The following VGLL3 variants were observed in gnomAD, a reference collection of about 807,000 sequenced individuals.
The protein encoded by VGLL3 is transcription cofactor vestigial-like protein 3.
In VGLL3, 18 loss-of-function variants were observed where a neutral mutation model predicts 29.2. The ratio of observed to expected loss-of-function variants is 0.62; its 90% CI spans 0.43 to 0.91. The LOEUF (loss-of-function observed/expected upper bound fraction) is 0.91. Ranked by LOEUF, VGLL3 falls within the 40% of genes least tolerant of loss-of-function variation. The pLI is 0.00. For missense variants in VGLL3, 440 were observed against 413.2 expected, an observed-to-expected ratio of 1.06 and a Z score of -0.56; for synonymous variants, 180 against 151.8, an observed-to-expected ratio of 1.19 and a Z score of -1.36.
At chr3:86,950,243 A>T (rs1046732363) in intron 3 of VGLL3, among the ~76,000 whole-genome samples, 1 of 152,190 alleles carries the variant, frequency 6.6e-6, no homozygotes, top group Non-Finnish European at 1.5e-5. Flanking sequence ...TTTTCAGTAG[A>T]AAGGAAAAAA....
intron 3 of VGLL3, among the ~76,000 whole-genome samples, chr3:86,952,533 A>G (rs1704637275): frequency 6.6e-6 from 1 of 152,210 alleles, no homozygotes; most frequent in African/African-American, 2.4e-5. Context: ...ATAAATAGGA[A>G]CATAAAGCCT....
At position 86,968,820 on chromosome 3, in the gene VGLL3, A is replaced by G; in HGVS notation, c.707T>C (p.Met236Thr). ...YMRHHHPHAH[M>T]HHRHRHHHHH... ...ATGATGGTGGCGGTGGCGGTGGTGC[A>G]TGTGGGCATGAGGGTGGTGGTGCCG... Residue 236 changes from methionine to threonine, a missense_variant, in exon 3 of 4, where the codon ATG (methionine) becomes ACG (threonine). Transcript: ENST00000398399. The G allele has an allele frequency of 6.2e-7, 1 of 1,614,088 alleles. No homozygotes were observed. The highest frequency in any genetic ancestry group is 8.5e-7 in the Non-Finnish European group (1 of 1,180,006).
At chr3:86,976,258 A>C (rs536854008) in intron 2 of VGLL3, among the ~76,000 whole-genome samples, 4 of 152,312 alleles carry the variant, frequency 2.6e-5, no homozygotes, top group Non-Finnish European at 5.9e-5. Flanking sequence ...TTCTGTGTAG[A>C]ATTACTTTCC....
At chr3:86,989,016 C>G (rs573655365) in intron 1 of VGLL3, among the ~76,000 whole-genome samples, 14 of 152,156 alleles carry the variant, frequency 9.2e-5, no homozygotes, top group Non-Finnish European at 1.6e-4. Context: ...GGAGTCATTT[C>G]TTATTGAAAA....
chr3:86,970,356 C>CAGAGAGCCCCGACCCAGCTTAGAG (rs1355180261), intron 2 of VGLL3, among the ~76,000 whole-genome samples: 1 of 152,020 alleles, frequency 6.6e-6, no homozygotes, highest in Non-Finnish European at 1.5e-5. Flanking sequence ...ACAGGAAGCA[C>CAGAGAGCCCCGACCCAGCTTAGAG]AGAGAGCCCC....
At chr3:86,981,991 C>A (rs752733545) in intron 1 of VGLL3, among the ~76,000 whole-genome samples, 2 of 152,028 alleles carry the variant, frequency 1.3e-5, no homozygotes, top group Non-Finnish European at 2.9e-5. Flanking sequence ...ACATTAAGTG[C>A]GATCATGAGG....
chr3:86,968,368 A>G (rs909228727), intron 3 of VGLL3, among the ~76,000 whole-genome samples: 9 of 152,140 alleles, frequency 5.9e-5, no homozygotes, highest in African/African-American at 2.2e-4. Flanking sequence ...CTAACCTAAG[A>G]TATGAGAGAA....
intron 2 of VGLL3, among the ~76,000 whole-genome samples, chr3:86,975,253 T>G (rs919878286): frequency 2.0e-5 from 3 of 152,184 alleles, no homozygotes; most frequent in African/African-American, 4.8e-5. Flanking sequence ...ACCAACTCTC[T>G]CATTTTATGA....
intron 3 of VGLL3, among the ~76,000 whole-genome samples, chr3:86,948,908 A>G (rs2106960330): frequency 6.6e-6 from 1 of 152,320 alleles, no homozygotes; most frequent in East Asian, 1.9e-4. Flanking sequence ...AATAATTTGC[A>G]ACCTGACATA....
intron 2 of VGLL3, 56 bp from the exon 3 acceptor site, chr3:86,969,179 A>C: frequency 6.6e-7 from 1 of 1,508,282 alleles, no homozygotes; most frequent in South Asian, 1.3e-5. Context: ...TTTGGGATAG[A>C]CTTGCCTCTA....
intron 1 of VGLL3, among the ~76,000 whole-genome samples, chr3:86,986,149 T>A (rs1417520899): frequency 6.6e-6 from 1 of 151,962 alleles, no homozygotes; most frequent in Admixed American, 6.6e-5. Flanking sequence ...TCTAAACACC[T>A]CTTTTACCAT....
intron 1 of VGLL3, among the ~76,000 whole-genome samples, chr3:86,982,799 C>T (rs73844442): frequency 0.091 from 13,903 of 152,136 alleles, 1,727 homozygotes; most frequent in African/African-American, 0.28. Flanking sequence ...TGTTGTTTTT[C>T]TTAAATGCAC....
Position 86,941,438 on chromosome 3 carries a change from G to A in VGLL3, c.*5586C>T, listed in dbSNP as rs1704395166. On this transcript the variant is annotated 3_prime_UTR_variant, in exon 4 of 4. Transcript: ENST00000398399. Reference sequence around the variant, plus strand: ...AATTATTCTTATGCCAAATTTAGTAGTCTAGAAATTGTTTTTTTTTTTAAA... The same window carrying A: ...AATTATTCTTATGCCAAATTTAGTAATCTAGAAATTGTTTTTTTTTTTAAA... 1 of 151,544 alleles carries A rather than the reference G, an allele frequency of 6.6e-6. No individual in the cohort carries two copies. 9.4% of individuals were successfully genotyped at this position (151,544 alleles called of 1,614,324 possible). A position where few individuals can be genotyped will look rare whatever the true frequency, so the allele number is the denominator to read the frequency against.
chr3:86,945,103 A>C lies in VGLL3; in HGVS notation c.*1921T>G, dbSNP rs1342025374. On this transcript the variant is annotated 3_prime_UTR_variant, in exon 4 of 4. Transcript: ENST00000398399. The stretch of plus-strand genomic sequence containing the variant: ...CCAGGAAATATAAGTTCATATTATT[A>C]GTGAGTGGAAGGTATCTTAAATTTG... The C allele has an allele frequency of 6.6e-6, 1 of 152,226 alleles. No homozygotes were observed. The highest frequency in any genetic ancestry group is 2.4e-5 in the African/African-American group (1 of 41,462). 9.4% of individuals were successfully genotyped at this position (152,226 alleles called of 1,614,324 possible).
rs139761063 is a variant in VGLL3, at chr3:86,981,832, C to T, written c.127-3030G>A. ...TATAATGAACCAATTTAAATATTTA[C>T]GTTTACAACACACACAAGCACACAC... On this transcript the variant is annotated intron_variant, in intron 1 of 3. Transcript: ENST00000398399. Among the ~76,000 whole-genome samples, 18 of 152,046 alleles carry T rather than the reference C, an allele frequency of 1.2e-4. No homozygotes were observed. In the East Asian group the frequency reaches 3.3e-3, roughly 28 times the overall value.
chr3:86,951,735 C>G (rs181210107), intron 3 of VGLL3, among the ~76,000 whole-genome samples: 1 of 150,776 alleles, frequency 6.6e-6, no homozygotes, highest in Non-Finnish European at 1.5e-5. Flanking sequence ...TTTATCCCCC[C>G]CAAAAAATCT....
Position 86,968,803 on chromosome 3 carries a change from G to T in VGLL3, c.724C>A (p.His242Asn), listed in dbSNP as rs1342663378. 1.2e-6 allele frequency: 2 copies of T among 1,614,172 alleles called. No individual in the cohort carries two copies. The highest frequency in any genetic ancestry group is 2.2e-5 in the South Asian group (2 of 91,082). Residue 242 changes from histidine to asparagine, a missense_variant, in exon 3 of 4, where the codon CAC becomes AAC. Transcript: ENST00000398399. Reference sequence around the variant, plus strand: ...GGAGGGTGGTGATGGTGATGATGGTGGCGGTGGCGGTGGTGCATGTGGGCA... The same window carrying T: ...GGAGGGTGGTGATGGTGATGATGGTTGCGGTGGCGGTGGTGCATGTGGGCA... ...PHAHMHHRHR[H>N]HHHHHHPPAG... is the part of the protein sequence containing the mutation.
At chr3:86,972,380 C>T (rs1334295517) in intron 2 of VGLL3, among the ~76,000 whole-genome samples, 1 of 151,962 alleles carries the variant, frequency 6.6e-6, no homozygotes, top group African/African-American at 2.4e-5. Flanking sequence ...CTATGCAGCC[C>T]TTTAAAAAAA....
chr3:86,966,636 T>C (rs1704965120), intron 3 of VGLL3, among the ~76,000 whole-genome samples: 1 of 151,504 alleles, frequency 6.6e-6, no homozygotes, highest in South Asian at 2.1e-4. Flanking sequence ...CACGTCTTAG[T>C]TCAAACTTCA....
Sources: allele counts gnomAD v4.1 joint callset (sites outside exome capture counted in the v4.1 genomes callset), GRCh38; gene constraint gnomAD v4.1.1; transcripts MANE v1.5; gene names NCBI Gene and HGNC (gene_info 2026-07-23, HGNC 2026-07-21).